The following CD96 variants were observed in gnomAD, a reference collection of about 807,000 sequenced individuals.
CD96 encodes the protein CD96 molecule, also known as T-cell surface protein tactile.
In CD96, 70 loss-of-function variants were observed where a neutral mutation model predicts 71.3. The observed-to-expected ratio is 0.98, with a 90% CI of 0.81 to 1.20. The LOEUF (loss-of-function observed/expected upper bound fraction) is 1.20, where lower values mean the gene tolerates loss of function less well. Ranked by LOEUF, CD96 falls within the 50% of genes most tolerant of loss-of-function variation. CD96 has a pLI of 0.00. For missense variants in CD96, 742 were observed against 677.5 expected (o/e 1.10, Z -1.06); for synonymous variants, 248 against 233.0 (o/e 1.06, Z -0.59).
chr3:111,543,748 C>G (rs1277606516), intron 1 of CD96, among the ~76,000 whole-genome samples: 1 of 145,868 alleles, frequency 6.9e-6, no homozygotes, highest in Non-Finnish European at 1.5e-5. Flanking sequence ...GCCCCCAGAC[C>G]CCCACATATT....
At chr3:111,661,521 A>G (rs1001771440) in intron 14 of CD96, among the ~76,000 whole-genome samples, 13 of 152,346 alleles carry the variant, frequency 8.5e-5, no homozygotes, top group African/African-American at 2.9e-4. Flanking sequence ...AAAACAAGTT[A>G]GTTACTTCCA....
Position 111,647,176 on chromosome 3 carries a change from C to T in CD96, c.1478-367C>T, listed in dbSNP as rs146730902. ...AATCTGTACACCAAAATCCCCACAGCACATAATTTACCTATATAACAAATT... is the reference window on the plus strand; with the variant it reads ...AATCTGTACACCAAAATCCCCACAGTACATAATTTACCTATATAACAAATT... On this transcript the variant is annotated intron_variant, in intron 12 of 13. Transcript: ENST00000352690. 3.4e-5 allele frequency among the ~76,000 whole-genome samples: 5 copies of T among 149,050 alleles called. No homozygotes were observed. In the East Asian group the frequency reaches 7.8e-4, roughly 23 times the overall value.
rs1410026489 is a variant in CD96, at chr3:111,545,416, G to T, written c.418+14G>T. Reference sequence around the variant, plus strand: ...TTCAGACACACGGTAAGCATAACTGGTAGAGGGATGTGCTTTCATTCAGCT... The same window carrying T: ...TTCAGACACACGGTAAGCATAACTGTTAGAGGGATGTGCTTTCATTCAGCT... On this transcript the variant is annotated intron_variant, in intron 2 of 13. Coordinates refer to ENST00000352690, the MANE Select transcript of CD96 (RefSeq NM_005816.5). 7.0e-7 allele frequency: 1 copy of T among 1,431,112 alleles called. No homozygotes were observed. The highest frequency in any genetic ancestry group is 1.1e-5 in the South Asian group (1 of 87,396). 88.7% of individuals were successfully genotyped at this position (1,431,112 alleles called of 1,614,324 possible).
At chr3:111,619,248 G>A (rs1938400555) in intron 8 of CD96, among the ~76,000 whole-genome samples, 1 of 72,710 alleles carries the variant, frequency 1.4e-5, no homozygotes, top group South Asian at 7.1e-4. Context: ...TCCAGTGATA[G>A]CATAAAAGGG....
rs563550800 is a variant in CD96, at chr3:111,549,392, A to T, written c.418+3990A>T. Among the ~76,000 whole-genome samples the T allele has an allele frequency of 3.9e-5, 6 of 152,328 alleles. No homozygotes were observed. In the South Asian group the frequency reaches 1.2e-3, roughly 32 times the overall value. The stretch of plus-strand genomic sequence containing the variant: ...TAAGGTTAGAAAGATTGATTAGTCC[A>T]TTTAAGGAGTTTTGTCTTTATCCTA... On this transcript the variant is annotated intron_variant, in intron 2 of 13. Coordinates refer to ENST00000352690, the MANE Select transcript of CD96 (RefSeq NM_005816.5).
chr3:111,643,090 ACTAG>A (rs1939669552), intron 12 of CD96, among the ~76,000 whole-genome samples: 1 of 151,192 alleles, frequency 6.6e-6, no homozygotes, highest in Admixed American at 6.6e-5. Context: ...AAAAAAAAAA[ACTAG>A]CTAACCAAAT....
intron 4 of CD96, among the ~76,000 whole-genome samples, chr3:111,584,582 G>A (rs1223023786): frequency 6.6e-6 from 1 of 152,320 alleles, no homozygotes; most frequent in East Asian, 1.9e-4. Flanking sequence ...CAGAATCATG[G>A]TGCGTGGTGA....
intron 14 of CD96, among the ~76,000 whole-genome samples, chr3:111,664,915 G>A (rs1321668458): frequency 2.0e-5 from 3 of 152,100 alleles, no homozygotes; most frequent in East Asian, 3.9e-4. Flanking sequence ...TTATAACTCC[G>A]ATGTTGTTAT....
rs550739924 is a variant in CD96 at position 111,637,845 on chromosome 3, G to A, written c.1388-234G>A. Among the ~76,000 whole-genome samples, 9 of 150,894 alleles carry A rather than the reference G, an allele frequency of 6.0e-5. No individual in the cohort carries two copies. In the South Asian group the frequency reaches 1.7e-3, roughly 28 times the overall value. On this transcript the variant is annotated intron_variant, in intron 11 of 13. Coordinates refer to ENST00000352690, the MANE Select transcript of CD96 (RefSeq NM_005816.5). ...GAAATTTTCCTATTTTCAACCAACA[G>A]GAATTTTTTTTTCAACCACTAGGAA...
intron 8 of CD96, among the ~76,000 whole-genome samples, chr3:111,609,507 T>G (rs1452769774): frequency 6.6e-6 from 1 of 152,212 alleles, no homozygotes; most frequent in East Asian, 1.9e-4. Flanking sequence ...GACATGAATT[T>G]CTTCTAGTTG....
chr3:111,642,864 T>G (rs1019345087), intron 12 of CD96, among the ~76,000 whole-genome samples: 3 of 151,354 alleles, frequency 2.0e-5, no homozygotes, highest in Admixed American at 6.6e-5. Context: ...CAGGCCCAGA[T>G]GGATTAACAG....
chr3:111,602,420 A>C (rs756780187), intron 7 of CD96, among the ~76,000 whole-genome samples: 6 of 152,056 alleles, frequency 3.9e-5, no homozygotes, highest in Non-Finnish European at 7.3e-5. Flanking sequence ...GATCTAGTAT[A>C]ATTTGGGGCT....
At chr3:111,556,420 G>T (rs1344516568) in intron 2 of CD96, among the ~76,000 whole-genome samples, 1 of 116,118 alleles carries the variant, frequency 8.6e-6, no homozygotes, top group South Asian at 3.2e-4. Context: ...TGATCTCATT[G>T]TTCAATTCCC....
intron 5 of CD96, among the ~76,000 whole-genome samples, chr3:111,587,200 G>C (rs1451133554): frequency 6.6e-6 from 1 of 152,206 alleles, no homozygotes; most frequent in Non-Finnish European, 1.5e-5. Flanking sequence ...GATGCAAGAG[G>C]TGGGTTCCCA....
chr3:111,613,686 C>A (rs1938072592), intron 8 of CD96, among the ~76,000 whole-genome samples: 1 of 152,232 alleles, frequency 6.6e-6, no homozygotes, highest in South Asian at 2.1e-4. Flanking sequence ...TGTCCAGAAA[C>A]TAGATGGCTA....
intron 8 of CD96, among the ~76,000 whole-genome samples, chr3:111,613,106 T>C (rs930495108): frequency 3.3e-5 from 5 of 152,232 alleles, no homozygotes; most frequent in African/African-American, 1.2e-4. Flanking sequence ...TTTTTCTACA[T>C]CTGTCACCTG....
intron 10 of CD96, among the ~76,000 whole-genome samples, chr3:111,630,627 A>G (rs1320504112): frequency 6.6e-6 from 1 of 152,226 alleles, no homozygotes; most frequent in African/African-American, 2.4e-5. Flanking sequence ...TAAAAAATTT[A>G]AAAGAAGGAA....
intron 2 of CD96, among the ~76,000 whole-genome samples, chr3:111,567,258 A>G (rs1209876934): frequency 6.6e-6 from 1 of 152,206 alleles, no homozygotes; most frequent in African/African-American, 2.4e-5. Context: ...GGGCCAAAGC[A>G]GAACATGCCA....
intron 7 of CD96, among the ~76,000 whole-genome samples, chr3:111,604,040 A>G (rs1003833706): frequency 6.6e-5 from 10 of 152,224 alleles, no homozygotes; most frequent in African/African-American, 2.4e-4. Context: ...GCATTTGTAA[A>G]AAGACCCTCA....
Sources: allele counts gnomAD v4.1 joint callset (sites outside exome capture counted in the v4.1 genomes callset), GRCh38; gene constraint gnomAD v4.1.1; transcripts MANE v1.5; gene names NCBI Gene and HGNC (gene_info 2026-07-23, HGNC 2026-07-21).